CLSTN2: variants seen among roughly 807,000 people sequenced by gnomAD.
The protein encoded by CLSTN2 is calsyntenin 2.
A neutral mutation model predicts 101.2 loss-of-function variants in CLSTN2; 48 were observed. The ratio of observed to expected loss-of-function variants is 0.47; its 90% CI spans 0.38 to 0.60. The LOEUF (loss-of-function observed/expected upper bound fraction) is 0.60. Ranked by LOEUF, CLSTN2 falls within the 20% of genes least tolerant of loss-of-function variation. The pLI, the probability that CLSTN2 is intolerant of heterozygous loss-of-function variation, is 0.00. For missense variants in CLSTN2, 1,160 were observed against 1,238.2 expected (o/e 0.94, Z 0.95); for synonymous variants, 481 against 463.6 (o/e 1.04, Z -0.48).
At chr3:140,161,274 C>G (rs1197036847) in intron 1 of CLSTN2, among the ~76,000 whole-genome samples, 3 of 152,140 alleles carry the variant, frequency 2.0e-5, no homozygotes, top group Non-Finnish European at 4.4e-5. Context: ...AATTCAGAGT[C>G]CAAATGTATT....
At chr3:140,122,122 T>C (rs1210835447) in intron 1 of CLSTN2, among the ~76,000 whole-genome samples, 1 of 152,228 alleles carries the variant, frequency 6.6e-6, no homozygotes, top group African/African-American at 2.4e-5. Flanking sequence ...TCTCCTGTTC[T>C]GCAACTCGAC....
At chr3:140,147,439 C>A (rs1443149016) in intron 1 of CLSTN2, among the ~76,000 whole-genome samples, 3 of 152,180 alleles carry the variant, frequency 2.0e-5, no homozygotes, top group Admixed American at 2.0e-4. Context: ...GGCATCTGTC[C>A]CCTATGATTG....
chr3:140,259,302 C>T (rs1298439825), intron 2 of CLSTN2, among the ~76,000 whole-genome samples: 4 of 151,756 alleles, frequency 2.6e-5, no homozygotes, highest in Non-Finnish European at 4.4e-5. Flanking sequence ...GATGAAACCC[C>T]GTCTCTACTA....
chr3:139,991,211 A>G (rs1269978922), intron 1 of CLSTN2, among the ~76,000 whole-genome samples: 1 of 152,236 alleles, frequency 6.6e-6, no homozygotes, highest in Non-Finnish European at 1.5e-5. Flanking sequence ...ATGCAGTGCT[A>G]TTTTATACGT....
chr3:140,098,108 C>G (rs1371621371), intron 1 of CLSTN2, among the ~76,000 whole-genome samples: 1 of 151,762 alleles, frequency 6.6e-6, no homozygotes, highest in Admixed American at 6.6e-5. Context: ...GAAGCAGAGA[C>G]AAAAAACAAA....
At chr3:140,025,125 C>G (rs2007391945) in intron 1 of CLSTN2, among the ~76,000 whole-genome samples, 1 of 152,170 alleles carries the variant, frequency 6.6e-6, no homozygotes, top group Non-Finnish European at 1.5e-5. Context: ...TTCCCTTCAG[C>G]TCCCCATTTT....
At chr3:139,959,804 A>G (rs768703920) in intron 1 of CLSTN2, among the ~76,000 whole-genome samples, 9 of 152,002 alleles carry the variant, frequency 5.9e-5, no homozygotes, top group Non-Finnish European at 1.3e-4. Context: ...TCTCTGCAGC[A>G]CAGAGCTCTT....
intron 2 of CLSTN2, among the ~76,000 whole-genome samples, chr3:140,178,532 C>G (rs1263473152): frequency 6.6e-6 from 1 of 152,136 alleles, no homozygotes; most frequent in Non-Finnish European, 1.5e-5. Context: ...TGATTTGCAG[C>G]TGCCTTAAAA....
At chr3:140,206,473 T>A (rs2010784083) in intron 2 of CLSTN2, among the ~76,000 whole-genome samples, 1 of 152,128 alleles carries the variant, frequency 6.6e-6, no homozygotes, top group African/African-American at 2.4e-5. Flanking sequence ...CAGCAGGAAA[T>A]GAGCTTGAAG....
chr3:140,137,513 T>C (rs919415418), intron 1 of CLSTN2, among the ~76,000 whole-genome samples: 1 of 152,192 alleles, frequency 6.6e-6, no homozygotes, highest in African/African-American at 2.4e-5. Flanking sequence ...TCGTGTCCTC[T>C]AGTCATGAAT....
intron 2 of CLSTN2, among the ~76,000 whole-genome samples, chr3:140,179,649 A>AC (rs869228563): frequency 5.4e-5 from 8 of 147,514 alleles, no homozygotes; most frequent in Admixed American, 1.3e-4. Context: ...AAAAAAAAAA[A>AC]AAACCTTGCT....
At chr3:140,440,568 C>A (rs2108003834) in intron 5 of CLSTN2, among the ~76,000 whole-genome samples, 1 of 152,244 alleles carries the variant, frequency 6.6e-6, no homozygotes, top group Middle Eastern at 3.4e-3. Context: ...AAGTGGTTTG[C>A]ATTTATTGTC....
At chr3:140,267,186 G>A (rs7640659) in intron 2 of CLSTN2, among the ~76,000 whole-genome samples, 9,608 of 152,266 alleles carry the variant, frequency 0.063, 712 homozygotes, top group African/African-American at 0.18. Flanking sequence ...TTGTTATACT[G>A]TGTTGGTCCC....
intron 10 of CLSTN2, among the ~76,000 whole-genome samples, chr3:140,556,143 G>T (rs1310184923): frequency 6.6e-6 from 1 of 152,214 alleles, no homozygotes; most frequent in Non-Finnish European, 1.5e-5. Context: ...AGCAAAAGGA[G>T]TGAAAACGCA....
At chr3:140,152,412 T>A (rs776692041) in intron 1 of CLSTN2, among the ~76,000 whole-genome samples, 1 of 152,176 alleles carries the variant, frequency 6.6e-6, no homozygotes, top group Non-Finnish European at 1.5e-5. Flanking sequence ...CCCAATTAGG[T>A]CACTTCCCCT....
intron 2 of CLSTN2, among the ~76,000 whole-genome samples, chr3:140,240,637 A>C (rs751124770): frequency 2.0e-5 from 3 of 152,108 alleles, no homozygotes; most frequent in African/African-American, 7.2e-5. Context: ...CCAGGATGCT[A>C]ACACACTTCC....
chr3:140,132,509 A>G (rs971028073), intron 1 of CLSTN2, among the ~76,000 whole-genome samples: 3 of 152,168 alleles, frequency 2.0e-5, no homozygotes, highest in Non-Finnish European at 4.4e-5. Flanking sequence ...TAGTGGACCC[A>G]ATTTTTTGTC....
chr3:140,310,220 CCTGA>C (rs748875425), intron 2 of CLSTN2, among the ~76,000 whole-genome samples: 1 of 152,272 alleles, frequency 6.6e-6, no homozygotes, highest in Middle Eastern at 3.4e-3. Flanking sequence ...AAACCATAAA[CCTGA>C]CTGTCACTTT....
At chr3:140,325,329 C>T (rs752463208) in intron 2 of CLSTN2, among the ~76,000 whole-genome samples, 17 of 152,146 alleles carry the variant, frequency 1.1e-4, no homozygotes, top group African/African-American at 3.1e-4. Flanking sequence ...AGTGGGCTTC[C>T]GGGGTTCTTC....
Sources: gnomAD v4.1 joint callset for allele counts (sites outside exome capture counted in the v4.1 genomes callset) on GRCh38, gnomAD v4.1.1 for gene constraint, MANE v1.5 for transcripts, NCBI Gene and HGNC (gene_info 2026-07-23, HGNC 2026-07-21) for gene names.